SLC35F3: variants seen among roughly 807,000 people sequenced by gnomAD.
SLC35F3 encodes the protein putative thiamine transporter SLC35F3.
SLC35F3 carries 25 observed loss-of-function variants against 49.9 expected under a neutral mutation model. The ratio of observed to expected loss-of-function variants is 0.50; its 90% CI spans 0.37 to 0.70. The LOEUF (loss-of-function observed/expected upper bound fraction) is 0.70. SLC35F3 is among the 30% of genes least tolerant of loss of function. SLC35F3 has a pLI of 0.00. For synonymous variants in SLC35F3, 275 were observed against 265.4 expected (o/e 1.04, Z -0.35); for missense variants, 525 against 639.8 (o/e 0.82, Z 1.94).
At chr1:234,162,541 A>G (rs888351159) in intron 2 of SLC35F3, among the ~76,000 whole-genome samples, 1 of 151,922 alleles carries the variant, frequency 6.6e-6, no homozygotes, top group African/African-American at 2.4e-5. Context: ...CTGGGTCCAG[A>G]CCACTTTCTC....
intron 3 of SLC35F3, among the ~76,000 whole-genome samples, chr1:234,278,454 C>T (rs561340398): frequency 4.8e-4 from 71 of 149,248 alleles, no homozygotes; most frequent in African/African-American, 1.6e-3. Flanking sequence ...TGCACCACTG[C>T]ACTCCAGCCT....
Position 234,231,370 on chromosome 1 carries a change from G to A in SLC35F3, c.284-47G>A, listed in dbSNP as rs1667367828. 2.1e-6 allele frequency: 3 copies of A among 1,408,334 alleles called. No homozygotes were observed. The highest frequency in any genetic ancestry group is 2.5e-5 in the East Asian group (1 of 39,858). 87.2% of individuals were successfully genotyped at this position (1,408,334 alleles called of 1,614,324 possible). On this transcript the variant is annotated intron_variant, in intron 2 of 7. Coordinates refer to ENST00000366618, the MANE Select transcript of SLC35F3 (RefSeq NM_173508.4). This position sits in a 1 kb window ranked among gnomAD's most constrained non-coding sequence, Gnocchi z 5.4. ...CAGGGCAGCGCCCTGCGAAGTGCAG[G>A]GGTGAAGGTCTGCAGGCCCCGCTAA...
At chr1:233,992,695 A>T (rs4536095) in intron 2 of SLC35F3, among the ~76,000 whole-genome samples, 41,901 of 151,864 alleles carry the variant, frequency 0.28, 5,974 homozygotes, top group East Asian at 0.49. Context: ...GGTGAGACAA[A>T]CACACTATAT....
intron 2 of SLC35F3, among the ~76,000 whole-genome samples, chr1:234,176,423 C>G (rs1181074695): frequency 3.3e-5 from 5 of 152,218 alleles, no homozygotes; most frequent in African/African-American, 1.2e-4. Flanking sequence ...TGAAGGGACT[C>G]AGCTGCAGTA....
At chr1:234,180,477 C>G (rs1023328765) in intron 2 of SLC35F3, among the ~76,000 whole-genome samples, 3 of 152,208 alleles carry the variant, frequency 2.0e-5, no homozygotes, top group Non-Finnish European at 4.4e-5. Context: ...ACCTAGCTAG[C>G]AACTCAAGGA....
intron 2 of SLC35F3, among the ~76,000 whole-genome samples, chr1:234,106,636 T>C (rs536276555): frequency 6.6e-6 from 1 of 152,344 alleles, no homozygotes; most frequent in East Asian, 1.9e-4. Flanking sequence ...TCACTTAATC[T>C]TAACCACCTT....
chr1:234,267,740 G>A (rs1289981432), intron 3 of SLC35F3, among the ~76,000 whole-genome samples: 5 of 150,928 alleles, frequency 3.3e-5, no homozygotes, highest in South Asian at 4.2e-4. Context: ...CTTCTCAGAC[G>A]GGGCGGTTGC....
chr1:234,111,909 A>G (rs1665412475), intron 2 of SLC35F3, among the ~76,000 whole-genome samples: 1 of 152,220 alleles, frequency 6.6e-6, no homozygotes, highest in South Asian at 2.1e-4. Flanking sequence ...TATCCTGTGT[A>G]GTCCCCATCA....
rs565692016 is a variant in SLC35F3 at position 233,969,061 on chromosome 1, G to C, written c.283+63303G>C. 2.2e-3 allele frequency among the ~76,000 whole-genome samples: 69 copies of C among 31,176 alleles called. No individual in the cohort carries two copies. The East Asian group carries it at 0.028, about 13-fold the overall frequency. 20.5% of individuals were successfully genotyped at this position (31,176 alleles called of 152,430 possible). ...AGGAGTTAGAATTTTGACATATTTT[G>C]GGGGGGGGGACACAATTCAACCCAT... On this transcript the variant is annotated intron_variant, in intron 2 of 7. Transcript: ENST00000366618.
intron 2 of SLC35F3, among the ~76,000 whole-genome samples, chr1:234,107,086 C>T (rs1665295530): frequency 1.3e-5 from 2 of 152,184 alleles, no homozygotes; most frequent in African/African-American, 4.8e-5. Context: ...GTTGGGAGGT[C>T]TCTACTGAGC....
intron 2 of SLC35F3, among the ~76,000 whole-genome samples, chr1:234,016,596 T>A (rs1663805593): frequency 6.6e-6 from 1 of 152,148 alleles, no homozygotes; most frequent in African/African-American, 2.4e-5. Context: ...ATTCAGCTCA[T>A]AGATGAAGAG....
chr1:234,085,541 G>A (rs1052614551), intron 2 of SLC35F3, among the ~76,000 whole-genome samples: 14 of 152,144 alleles, frequency 9.2e-5, no homozygotes, highest in African/African-American at 3.1e-4. Context: ...CACGAATATG[G>A]CAATCAATCT....
chr1:234,002,497 A>AT lies in SLC35F3; in HGVS notation c.283+96747dup, dbSNP rs544469772. ...CTGTCTCACAGTAGGAATTTGTCTG[A>AT]TTTTTTTTATCATGATTAAACTAGG... is the stretch of plus-strand genomic sequence containing the variant. On this transcript the variant is annotated intron_variant, in intron 2 of 7. Coordinates refer to ENST00000366618, the MANE Select transcript of SLC35F3 (RefSeq NM_173508.4). Among the ~76,000 whole-genome samples the AT allele has an allele frequency of 1.1e-4, 16 of 152,018 alleles. No individual in the cohort carries two copies. The South Asian group carries it at 2.1e-3, about 20-fold the overall frequency.
intron 2 of SLC35F3, among the ~76,000 whole-genome samples, chr1:233,935,786 A>T (rs1662315721): frequency 6.6e-6 from 1 of 152,160 alleles, no homozygotes; most frequent in Non-Finnish European, 1.5e-5. Context: ...CACCTATTCC[A>T]AATTGACACG....
rs76483390 is a variant in SLC35F3, at chr1:234,168,729, G to A, written c.284-62688G>A. ...AGTGAGGCTGGGCAGTGGCAGGGAG[G>A]CCTCTGGGATAGAAAAGTGGCTTTG... is the stretch of plus-strand genomic sequence containing the variant. On this transcript the variant is annotated intron_variant, in intron 2 of 7. Coordinates refer to ENST00000366618, the MANE Select transcript of SLC35F3 (RefSeq NM_173508.4). Among the ~76,000 whole-genome samples, 1,114 of 152,316 alleles carry A rather than the reference G, an allele frequency of 7.3e-3. 20 individuals carry two copies. The highest frequency in any genetic ancestry group is 0.025 in the African/African-American group (1,056 of 41,580).
intron 2 of SLC35F3, among the ~76,000 whole-genome samples, chr1:233,975,289 A>G (rs1663062402): frequency 6.6e-6 from 1 of 152,380 alleles, no homozygotes; most frequent in Non-Finnish European, 1.5e-5. Flanking sequence ...ACAAGCACCC[A>G]GCTGGAAAGT....
At chr1:234,011,343 C>A (rs140157026) in intron 2 of SLC35F3, among the ~76,000 whole-genome samples, 28 of 152,288 alleles carry the variant, frequency 1.8e-4, no homozygotes, top group Middle Eastern at 3.4e-3. Context: ...AGTGCTTTCA[C>A]ACTGCATTGT....
chr1:234,028,622 G>A (rs892328832), intron 2 of SLC35F3, among the ~76,000 whole-genome samples: 16 of 152,196 alleles, frequency 1.1e-4, no homozygotes, highest in South Asian at 2.1e-4. Flanking sequence ...AAAGAAAGTC[G>A]TAAGAATGTT....
chr1:234,141,988 G>A (rs1211578398), intron 2 of SLC35F3, among the ~76,000 whole-genome samples: 3 of 152,090 alleles, frequency 2.0e-5, no homozygotes, highest in East Asian at 1.9e-4. Flanking sequence ...TAGATGCAGC[G>A]AAGCGTGCAT....
Sources: gnomAD v4.1 joint callset for allele counts (sites outside exome capture counted in the v4.1 genomes callset) on GRCh38, gnomAD v4.1.1 for gene constraint, Gnocchi (gnomAD v3.1) non-coding constraint, MANE v1.5 for transcripts, NCBI Gene and HGNC (gene_info 2026-07-23, HGNC 2026-07-21) for gene names.